The following ABCD4 variants were observed in gnomAD, a reference collection of about 807,000 sequenced individuals.
ABCD4 encodes ATP binding cassette subfamily D member 4, also known as lysosomal cobalamin transporter ABCD4.
ABCD4 carries 53 observed loss-of-function variants against 86.3 expected under a neutral mutation model. The ratio of observed to expected loss-of-function variants is 0.61; its 90% CI spans 0.49 to 0.77. The LOEUF is 0.77. Ranked by LOEUF, ABCD4 falls within the 30% of genes least tolerant of loss-of-function variation. The probability of loss-of-function intolerance (pLI) is 0.00; values close to 1 mark genes in which losing one functional copy is unlikely to be tolerated. For missense variants in ABCD4, 757 were observed against 764.5 expected (o/e 0.99, Z 0.12); for synonymous variants, 328 against 313.6 (o/e 1.05, Z -0.49).
chr14:74,290,810 G>C (rs1437893126), intron 11 of ABCD4, among the ~76,000 whole-genome samples: 2 of 150,332 alleles, frequency 1.3e-5, no homozygotes, highest in African/African-American at 4.9e-5. Flanking sequence ...CCAGCCTCCT[G>C]AGTAGCTGGA....
chr14:74,291,321 C>G (rs1271682702), intron 11 of ABCD4, among the ~76,000 whole-genome samples: 1 of 152,204 alleles, frequency 6.6e-6, no homozygotes, highest in Admixed American at 6.5e-5. Context: ...GACAAAGCCC[C>G]TTATGGGACT....
At chr14:74,289,579 C>G in intron 13 of ABCD4, 60 bp from the exon 14 acceptor site, 1 of 1,598,200 alleles carries the variant, frequency 6.3e-7, no homozygotes, top group Non-Finnish European at 8.5e-7. Context: ...GAGCTGCACA[C>G]AGCCCACCCT....
intron 15 of ABCD4, chr14:74,288,461 G>C: frequency 3.1e-6 from 2 of 651,152 alleles, no homozygotes; most frequent in Non-Finnish European, 2.6e-6. Flanking sequence ...GTTTAGACTT[G>C]CTGGAGCATG....
Position 74,302,873 on chromosome 14 carries a change from A to C in ABCD4, c.38+2T>G. ...AACCTCCTCCCCGACCGCCCTGCTT[A>C]CCTGGCGCCAGCTCCGGGCGCGGGC... On this transcript the variant is annotated splice_donor_variant, in intron 1 of 18. Transcript: ENST00000356924. LOFTEE classifies it high-confidence loss of function. 1 of 1,606,556 alleles carries C rather than the reference A, an allele frequency of 6.2e-7. No individual in the cohort carries two copies. The highest frequency in any genetic ancestry group is 8.5e-7 in the Non-Finnish European group (1 of 1,176,828).
Position 74,290,080 on chromosome 14 carries a change from C to A in ABCD4, c.1366G>T (p.Val456Leu), listed in dbSNP as rs1438815689. The change falls in exon 13 of 19, where the codon GTG (valine) becomes TTG (leucine). Residue 456 changes from valine (V) to leucine (L), a missense_variant. Coordinates refer to ENST00000356924, the MANE Select transcript of ABCD4 (RefSeq NM_005050.4). Reference sequence around the variant, plus strand: ...AATGGCTTTTGTGGCAGGAATAGCACCCCATGGGGCCCAAAGTCCGTCAGC... The same window carrying A: ...AATGGCTTTTGTGGCAGGAATAGCAACCCATGGGGCCCAAAGTCCGTCAGC... The part of the protein sequence containing the change: ...QMLTDFGPHG[V>L]LFLPQKPFFT... The A allele has an allele frequency of 6.2e-7, 1 of 1,614,136 alleles. No individual in the cohort carries two copies. The highest frequency in any genetic ancestry group is 2.2e-5 in the East Asian group (1 of 44,880).
intron 11 of ABCD4, among the ~76,000 whole-genome samples, chr14:74,291,512 A>C (rs889797714): frequency 1.3e-5 from 2 of 152,230 alleles, no homozygotes; most frequent in Admixed American, 6.5e-5. Flanking sequence ...GAGTGGTTAA[A>C]GCTAAATGGT....
At position 74,286,880 on chromosome 14, in the gene ABCD4, C is replaced by G. The variant is rs1017745875; in HGVS notation, c.1637-64G>C. On this transcript the variant is annotated intron_variant, in intron 17 of 18. Transcript: ENST00000356924. ...GCCCTCTGCCGCCGCTGCTTCTCCT[C>G]CCACCCATACTCAACCCCAGCTGGG... 86 of 1,477,514 alleles carry G rather than the reference C, an allele frequency of 5.8e-5. 1 individual carries two copies. The Middle Eastern group carries it at 8.2e-4, about 14-fold the overall frequency. 91.5% of individuals were successfully genotyped at this position (1,477,514 alleles called of 1,614,324 possible).
intron 7 of ABCD4, chr14:74,294,335 A>G (rs113189357): frequency 0.029 from 4,372 of 152,508 alleles, 132 homozygotes; most frequent in Admixed American, 0.093. Context: ...GATTACAGGC[A>G]TGAGCCACCA....
chr14:74,288,219 A>G lies in ABCD4; in HGVS notation c.1547T>C (p.Val516Ala), dbSNP rs1398971251. The part of the protein sequence containing the change: ...VARTEGLDQQ[V>A]DWNWYDVLSP... ...GCTCTTTTCTTACCAGTTCCAGTCC[A>G]CCTGCTGGTCCAGGCCCTCTGTCCT... The change falls in exon 16 of 19, where the codon GTG becomes GCG. Residue 516 changes from valine to alanine, a missense_variant. Physicochemically the swap from Val to Ala is moderately conservative, Grantham distance 64 (BLOSUM62 0). Coordinates refer to ENST00000356924, the MANE Select transcript of ABCD4 (RefSeq NM_005050.4). 4 of 1,611,990 alleles carry G rather than the reference A, an allele frequency of 2.5e-6. No homozygotes were observed. The African/African-American group carries it at 5.3e-5, about 22-fold the overall frequency.
chr14:74,299,202 C>T (rs770063072), intron 3 of ABCD4: 32 of 227,700 alleles, frequency 1.4e-4, no homozygotes, highest in Non-Finnish European at 2.3e-4. Flanking sequence ...GCCTCGGTCC[C>T]GCAGAGGAGG....
At chr14:74,301,727 C>G (rs950907863) in intron 1 of ABCD4, among the ~76,000 whole-genome samples, 1 of 151,384 alleles carries the variant, frequency 6.6e-6, no homozygotes, top group East Asian at 2.0e-4. Flanking sequence ...GCCAACCCCC[C>G]CATCTTTGCT....
chr14:74,296,113 T>C, intron 5 of ABCD4, 134 bp from the exon 6 acceptor site: 1 of 1,264,668 alleles, frequency 7.9e-7, no homozygotes. Context: ...CCTCTGCTCC[T>C]ATGTGGGGGC....
intron 1 of ABCD4, among the ~76,000 whole-genome samples, chr14:74,300,664 AG>A (rs1756967442): frequency 6.6e-6 from 1 of 152,188 alleles, no homozygotes; most frequent in African/African-American, 2.4e-5. Flanking sequence ...AAACGTGAAA[AG>A]TAACACTATC....
chr14:74,286,763 G>A lies in ABCD4; in HGVS notation c.1690C>T (p.Arg564Cys), dbSNP rs778089332. 12 of 1,614,002 alleles carry A rather than the reference G, an allele frequency of 7.4e-6. No homozygotes were observed. The highest frequency in any genetic ancestry group is 1.3e-5 in the African/African-American group (1 of 74,934). Reference protein sequence around the residue: ...LTEEVESELYRIGQQLGMTFI... With the variant: ...LTEEVESELYCIGQQLGMTFI... ...GTCATCCCCAGCTGCTGGCCGATGCGATAGAGCTCGCTCTCCACTTCCTCT... is the reference window on the plus strand; with the variant it reads ...GTCATCCCCAGCTGCTGGCCGATGCAATAGAGCTCGCTCTCCACTTCCTCT... The change falls in exon 18 of 19, where the codon CGC (arginine) becomes TGC (cysteine). Residue 564 changes from arginine (R) to cysteine (C), a missense_variant. Transcript: ENST00000356924.
intron 11 of ABCD4, 74 bp downstream of exon 11, chr14:74,292,213 A>G: frequency 1.4e-6 from 2 of 1,406,248 alleles, no homozygotes; most frequent in Non-Finnish European, 2.0e-6. Context: ...AAAGGGCAGG[A>G]CTCCAGGGTA....
At chr14:74,286,914 G>A in intron 17 of ABCD4, 98 bp from the exon 18 acceptor site, 1 of 1,166,252 alleles carries the variant, frequency 8.6e-7, no homozygotes, top group Non-Finnish European at 1.2e-6. Context: ...GGACCCAGGG[G>A]AGGCTGAAAG....
rs2080398301 is a variant in ABCD4 at position 74,288,279 on chromosome 14, C to A, written c.1507-20G>T. ...GTTGGACTGTAACAGACCCAGAGGG[C>A]AGGATGTCCATGAAATGGCCAGCCC... On this transcript the variant is annotated intron_variant, in intron 15 of 18. Coordinates refer to ENST00000356924, the MANE Select transcript of ABCD4 (RefSeq NM_005050.4). 6.2e-7 allele frequency: 1 copy of A among 1,601,712 alleles called. No individual in the cohort carries two copies. Among genetic ancestry groups the A allele is most frequent in the African/African-American group, 1.3e-5 (1 of 74,894 alleles).
intron 3 of ABCD4, 134 bp from the exon 4 acceptor site, chr14:74,298,203 C>T (rs2083380592): frequency 6.9e-7 from 1 of 1,450,790 alleles, no homozygotes; most frequent in Non-Finnish European, 9.1e-7. Context: ...CCACTCAGCA[C>T]TTTTCTTTTT....
At chr14:74,294,802 C>A in intron 7 of ABCD4, 2 of 284,190 alleles carry the variant, frequency 7.0e-6, no homozygotes, top group Non-Finnish European at 6.7e-6. Context: ...GAACCTCAGG[C>A]ACTGGCAAGA....
Sources: allele counts gnomAD v4.1 joint callset (sites outside exome capture counted in the v4.1 genomes callset), GRCh38; gene constraint gnomAD v4.1.1; transcripts MANE v1.5; gene names NCBI Gene and HGNC (gene_info 2026-07-23, HGNC 2026-07-21).